The following NMD3 variants were observed in gnomAD, a reference collection of about 807,000 sequenced individuals.
The protein encoded by NMD3 is 60S ribosomal export protein NMD3.
A neutral mutation model predicts 73.1 loss-of-function variants in NMD3; 47 were observed. That is an observed-to-expected ratio of 0.64 (90% CI 0.51 to 0.82). The LOEUF is 0.82. NMD3 is among the 40% of genes least tolerant of loss of function. The pLI, the probability that NMD3 is intolerant of heterozygous loss-of-function variation, is 0.00. For missense variants in NMD3, 554 were observed against 612.5 expected, an observed-to-expected ratio of 0.90 and a Z score of 1.01; for synonymous variants, 210 against 194.5, an observed-to-expected ratio of 1.08 and a Z score of -0.66.
chr3:161,228,035 G>A (rs1000097307), intron 4 of NMD3, among the ~76,000 whole-genome samples: 1 of 151,846 alleles, frequency 6.6e-6, no homozygotes, highest in Non-Finnish European at 1.5e-5. Context: ...ATTTGTGCCT[G>A]TCACTGAAAG....
intron 7 of NMD3, among the ~76,000 whole-genome samples, chr3:161,235,562 G>C (rs1322901718): frequency 6.6e-6 from 1 of 151,970 alleles, no homozygotes; most frequent in Non-Finnish European, 1.5e-5. Flanking sequence ...GTCCAATCTT[G>C]CTCTCAGTTA....
At chr3:161,230,793 G>C (rs1736509188) in intron 4 of NMD3, among the ~76,000 whole-genome samples, 1 of 152,166 alleles carries the variant, frequency 6.6e-6, no homozygotes, top group Non-Finnish European at 1.5e-5. Flanking sequence ...TGTTGAGTGG[G>C]AGCTTCTGGG....
chr3:161,245,074 G>A (rs553206874), intron 11 of NMD3, among the ~76,000 whole-genome samples: 1 of 151,830 alleles, frequency 6.6e-6, no homozygotes, highest in Non-Finnish European at 1.5e-5. Flanking sequence ...GAAATCAAAT[G>A]TTTCTTCAAA....
At chr3:161,223,330 ATGT>A (rs1315608476) in intron 2 of NMD3, among the ~76,000 whole-genome samples, 1 of 152,210 alleles carries the variant, frequency 6.6e-6, no homozygotes, top group East Asian at 1.9e-4. Flanking sequence ...ATTTTGGACA[ATGT>A]TGTTCTACAT....
At chr3:161,244,517 A>T (rs982233759) in intron 11 of NMD3, among the ~76,000 whole-genome samples, 1 of 152,108 alleles carries the variant, frequency 6.6e-6, no homozygotes, top group African/African-American at 2.4e-5. Context: ...ATTAGCTTAC[A>T]TGTACAGGTG....
At chr3:161,242,428 C>T in intron 10 of NMD3, 80 bp from the exon 11 acceptor site, 1 of 1,314,912 alleles carries the variant, frequency 7.6e-7, no homozygotes, top group Non-Finnish European at 1.1e-6. Context: ...TGGTATCTAC[C>T]AGTTTATTCT....
intron 3 of NMD3, 35 bp from the exon 4 acceptor site, chr3:161,227,212 G>T (rs759890891): frequency 3.1e-6 from 4 of 1,297,560 alleles, no homozygotes; most frequent in Non-Finnish European, 4.4e-6. Context: ...TTTCCTGACA[G>T]ATGTTGGATT....
At position 161,233,403 on chromosome 3, in the gene NMD3, G is replaced by T. The variant is rs149231919; in HGVS notation, c.281G>T (p.Arg94Leu). 2.5e-6 allele frequency: 4 copies of T among 1,607,436 alleles called. No homozygotes were observed. The highest frequency in any genetic ancestry group is 3.4e-6 in the Non-Finnish European group (4 of 1,176,044). The part of the protein sequence containing the change: ...KKIKAPLSKV[R>L]LVDAGFVWTE... ...TTTGTTTGTGTTTTATTGAAGGTAC[G>T]GCTTGTAGATGCAGGCTTTGTTTGG... The change falls in exon 5 of 16, where the codon CGG (arginine) becomes CTG (leucine). Residue 94 changes from arginine (R) to leucine (L), a missense_variant. Arg to Leu is a moderately radical substitution (Grantham distance 102). Coordinates refer to ENST00000351193, the MANE Select transcript of NMD3 (RefSeq NM_015938.5).
At chr3:161,234,302 G>T (rs189063822) in intron 5 of NMD3, among the ~76,000 whole-genome samples, 1 of 151,736 alleles carries the variant, frequency 6.6e-6, no homozygotes, top group African/African-American at 2.4e-5. Flanking sequence ...TTAGCTGGAC[G>T]TGGTGGTGTG....
intron 9 of NMD3, 109 bp from the exon 10 acceptor site, chr3:161,240,937 A>G (rs560343233): frequency 1.2e-5 from 7 of 580,448 alleles, no homozygotes; most frequent in African/African-American, 1.1e-4. Context: ...AGAATTGAAA[A>G]TAACGTTTTG....
chr3:161,248,904 T>C (rs1397676559), intron 13 of NMD3, among the ~76,000 whole-genome samples: 2 of 152,202 alleles, frequency 1.3e-5, no homozygotes, highest in Non-Finnish European at 2.9e-5. Context: ...AATTAGGAAT[T>C]AACAGCGTGG....
chr3:161,246,928 GA>G (rs993963776), intron 12 of NMD3, among the ~76,000 whole-genome samples: 15 of 114,258 alleles, frequency 1.3e-4, no homozygotes, highest in Non-Finnish European at 2.7e-4. Flanking sequence ...ACTACAGAAT[GA>G]GGTGTTTTTT....
chr3:161,238,031 T>G, intron 7 of NMD3, 82 bp from the exon 8 acceptor site: 1 of 902,678 alleles, frequency 1.1e-6, no homozygotes, highest in Admixed American at 2.3e-5. Context: ...AAAACAGATG[T>G]AATTTATAAT....
chr3:161,242,687 T>C (rs1205831581), intron 11 of NMD3, 34 bp downstream of exon 11: 1 of 1,590,404 alleles, frequency 6.3e-7, no homozygotes, highest in South Asian at 1.2e-5. Flanking sequence ...TGTATTTTTT[T>C]TTCCCCTCAG....
chr3:161,234,975 A>G, intron 6 of NMD3, 120 bp downstream of exon 6: 4 of 1,020,642 alleles, frequency 3.9e-6, no homozygotes, highest in East Asian at 2.4e-5. Flanking sequence ...ACCTTTGGAA[A>G]TAGATCATTA....
At chr3:161,247,456 AT>A in intron 13 of NMD3, 126 bp downstream of exon 13, 1 of 540,468 alleles carries the variant, frequency 1.9e-6, no homozygotes. Flanking sequence ...GAAACTGCAG[AT>A]AAGGTATAAT....
At chr3:161,224,231 A>G (rs747724975) in intron 2 of NMD3, among the ~76,000 whole-genome samples, 52 of 152,164 alleles carry the variant, frequency 3.4e-4, no homozygotes, top group Non-Finnish European at 4.9e-4. Flanking sequence ...AAAAAAATAA[A>G]TTGAGTTTCT....
intron 4 of NMD3, among the ~76,000 whole-genome samples, chr3:161,230,989 C>A (rs972976718): frequency 1.3e-5 from 2 of 152,156 alleles, no homozygotes; most frequent in African/African-American, 2.4e-5. Flanking sequence ...GTTACTGTTA[C>A]AAGTTTAGAC....
In NMD3 at chr3:161,238,934, T is replaced by A. The variant is rs1736870083; in HGVS notation, c.753+108T>A. ...TTTCCTCTAGGGTTGGTTAAAAATT[T>A]AGAATAAGTTCCTTAAGTGACTTCT... On this transcript the variant is annotated intron_variant, in intron 9 of 15. Coordinates refer to ENST00000351193, the MANE Select transcript of NMD3 (RefSeq NM_015938.5). 13 of 559,142 alleles carry A rather than the reference T, an allele frequency of 2.3e-5. 1 individual carries two copies. In the South Asian group the frequency reaches 3.2e-4, roughly 14 times the overall value. The allele number at this position is 559,142 out of a possible 1,614,324, so 34.6% of individuals were successfully genotyped here. A position where few individuals can be genotyped will look rare whatever the true frequency, so the allele number is the denominator to read the frequency against.
Sources: gnomAD v4.1 joint callset for allele counts (sites outside exome capture counted in the v4.1 genomes callset) on GRCh38, gnomAD v4.1.1 for gene constraint, MANE v1.5 for transcripts, NCBI Gene and HGNC (gene_info 2026-07-23, HGNC 2026-07-21) for gene names.